Variants in TRPV1 observed in about 807,000 individuals in gnomAD.
TRPV1 encodes the protein OTRPC1.
In TRPV1, 82 loss-of-function variants were observed where a neutral mutation model predicts 82.3. That is an observed-to-expected ratio of 1.00 (90% CI 0.83 to 1.20). TRPV1 has a LOEUF of 1.20. Ranked by LOEUF, TRPV1 falls within the 50% of genes most tolerant of loss-of-function variation. The probability of loss-of-function intolerance (pLI) is 0.00; values close to 1 mark genes in which losing one functional copy is unlikely to be tolerated. For missense variants in TRPV1, 1,067 were observed against 1,096.8 expected (o/e 0.97, Z 0.38); for synonymous variants, 515 against 467.7 (o/e 1.10, Z -1.30).
chr17:3,597,735 G>A (rs1470512153), intron 2 of TRPV1, among the ~76,000 whole-genome samples: 2 of 147,982 alleles, frequency 1.4e-5, no homozygotes, highest in South Asian at 2.2e-4. Flanking sequence ...GTGCAATGGC[G>A]CGATCTCAGC....
chr17:3,576,848 CA>C (rs989451980), intron 13 of TRPV1, among the ~76,000 whole-genome samples: 170 of 39,084 alleles, frequency 4.3e-3, no homozygotes, highest in East Asian at 8.8e-3. Context: ...GACTCCATCT[CA>C]AAAAAAAAAA....
At chr17:3,594,249 TTACTGTTCCAGCAGTGGC>T (rs891722089) in intron 2 of TRPV1, among the ~76,000 whole-genome samples, 3 of 151,400 alleles carry the variant, frequency 2.0e-5, no homozygotes, top group Non-Finnish European at 2.9e-5. Context: ...GTTAGGGAGA[TTACTGTTCCAGCAGTGGC>T]TACATTCCGG....
intron 5 of TRPV1, 139 bp from the exon 6 acceptor site, chr17:3,590,531 G>A (rs1269022538): frequency 3.7e-6 from 5 of 1,334,860 alleles, no homozygotes; most frequent in Non-Finnish European, 5.0e-6. Context: ...CCCCCCCACT[G>A]CAGGAGGCCA....
At chr17:3,590,808 G>A (rs1328964998) in intron 5 of TRPV1, among the ~76,000 whole-genome samples, 156 bp downstream of exon 5, 2 of 152,216 alleles carry the variant, frequency 1.3e-5, no homozygotes, top group African/African-American at 4.8e-5. Flanking sequence ...CAGCAGATGG[G>A]AGAGGCAGGG....
rs540546134 is a variant in TRPV1, at chr17:3,580,204, G to A, written c.1547+253C>T. Reference sequence around the variant, plus strand: ...CGAATGGCAGATGGATGGACAATGAGTGGGAAGGTGAACAAGGTCCGTCTC... The same window carrying A: ...CGAATGGCAGATGGATGGACAATGAATGGGAAGGTGAACAAGGTCCGTCTC... On this transcript the variant is annotated intron_variant, in intron 11 of 16. Transcript: ENST00000572705. Among the ~76,000 whole-genome samples the A allele has an allele frequency of 2.8e-4, 42 of 152,340 alleles. 1 individual carries two copies. The highest frequency in any genetic ancestry group is 9.1e-4 in the African/African-American group (38 of 41,586).
intron 9 of TRPV1, among the ~76,000 whole-genome samples, chr17:3,584,874 A>G (rs1217875704): frequency 6.6e-6 from 1 of 152,264 alleles, no homozygotes; most frequent in Non-Finnish European, 1.5e-5. Flanking sequence ...TGTCCTGGGT[A>G]TCAGACACGA....
chr17:3,588,345 C>T lies in TRPV1; in HGVS notation c.1067G>A (p.Arg356Gln), dbSNP rs201628936. 24 of 1,560,826 alleles carry T rather than the reference C, an allele frequency of 1.5e-5. No homozygotes were observed. The highest frequency in any genetic ancestry group is 1.2e-4 in the East Asian group (5 of 41,410). Reference protein sequence around the residue: ...KIGVLAYILQREIQEPECRHL... With the variant: ...KIGVLAYILQQEIQEPECRHL... ...CCTGCACTCGGGCTCCTGGATCTCC[C>T]GCTGGAGAATATAGGCCAAGACCTG... The change falls in exon 8 of 17, where the codon CGG (arginine) becomes CAG (glutamine). Residue 356 changes from arginine (R) to glutamine (Q), a missense_variant. Arg to Gln is a conservative substitution (Grantham distance 43). Transcript: ENST00000572705.
At chr17:3,577,532 C>T (rs748177038) in intron 12 of TRPV1, 66 bp downstream of exon 12, 25 of 1,515,076 alleles carry the variant, frequency 1.7e-5, no homozygotes, top group Non-Finnish European at 2.0e-5. Context: ...GAGTTCTTGG[C>T]CCCATCTCAC....
chr17:3,585,782 GC>G lies in TRPV1; in HGVS notation c.1368del (p.Arg456SerfsTer28). On this transcript the variant is annotated frameshift_variant, in exon 9 of 17. Coordinates refer to ENST00000572705, the MANE Select transcript of TRPV1 (RefSeq NM_080704.4). LOFTEE classifies it high-confidence loss of function. ...TCTGGCCGCACCAAGCCATCCACGG[GC>G]CTGTAGTAGGCAGCCATGGTGAAGA... Reference protein sequence around the residue: ...MIIFTMAAYYRPVDGLPPFKM... With the variant: ...MIIFTMAAYYXPVDGLPPFKM... The G allele has an allele frequency of 1.9e-6, 3 of 1,613,384 alleles. No individual in the cohort carries two copies. The highest frequency in any genetic ancestry group is 2.5e-6 in the Non-Finnish European group (3 of 1,179,646).
chr17:3,604,734 C>T (rs1036127362), intron 2 of TRPV1, among the ~76,000 whole-genome samples: 1 of 152,144 alleles, frequency 6.6e-6, no homozygotes, highest in Non-Finnish European at 1.5e-5. Flanking sequence ...GGAGGAAAAG[C>T]AGCGGCTGGT....
chr17:3,587,158 T>G (rs1054885424), intron 8 of TRPV1, among the ~76,000 whole-genome samples: 6 of 152,202 alleles, frequency 3.9e-5, no homozygotes, highest in Admixed American at 6.5e-5. Flanking sequence ...CAGTCCTTGT[T>G]GAGGCCACCT....
At chr17:3,567,050 C>T in intron 16 of TRPV1, 63 bp from the exon 17 acceptor site, 1 of 1,570,824 alleles carries the variant, frequency 6.4e-7, no homozygotes, top group South Asian at 1.2e-5. Flanking sequence ...CTTGGCCTCC[C>T]AAGTCTCCAG....
chr17:3,588,908 G>A (rs1336505763), intron 7 of TRPV1: 38 of 1,535,408 alleles, frequency 2.5e-5, no homozygotes, highest in Middle Eastern at 3.3e-4. Flanking sequence ...CCCTCACGGC[G>A]AGGCCCCAGC....
chr17:3,604,050 G>A (rs1362764180), intron 2 of TRPV1, among the ~76,000 whole-genome samples: 2 of 152,248 alleles, frequency 1.3e-5, no homozygotes, highest in African/African-American at 4.8e-5. Context: ...GGGGCCAACA[G>A]ACCATGCCAA....
intron 10 of TRPV1, among the ~76,000 whole-genome samples, chr17:3,580,782 C>T (rs991272623): frequency 1.3e-5 from 2 of 152,154 alleles, no homozygotes; most frequent in South Asian, 2.1e-4. Flanking sequence ...TTTGGGAGGC[C>T]AAGGCGGGTG....
intron 10 of TRPV1, among the ~76,000 whole-genome samples, chr17:3,581,695 G>C (rs939957552): frequency 4.0e-5 from 6 of 150,830 alleles, no homozygotes; most frequent in Non-Finnish European, 7.4e-5. Flanking sequence ...GACCATCCTG[G>C]TTAACATGGT....
chr17:3,591,177 C>T lies in TRPV1; in HGVS notation c.451+10G>A. ...GCTGGGGCCCTCCCCGAGCCCAGCG[C>T]TGGGGCCACCTTTGAACTCGTTGTC... On this transcript the variant is annotated intron_variant, in intron 4 of 16. Transcript: ENST00000572705. The T allele has an allele frequency of 6.2e-7, 1 of 1,608,530 alleles. No individual in the cohort carries two copies. Among genetic ancestry groups the T allele is most frequent in the Middle Eastern group, 1.7e-4 (1 of 6,056 alleles).
intron 2 of TRPV1, among the ~76,000 whole-genome samples, chr17:3,594,154 A>AAGCAGC (rs773915600): frequency 2.1e-5 from 2 of 95,442 alleles, no homozygotes; most frequent in Non-Finnish European, 3.9e-5. Flanking sequence ...AAAAAAAAAG[A>AAGCAGC]AGCAGCAGCA....
intron 2 of TRPV1, among the ~76,000 whole-genome samples, chr17:3,597,802 T>C (rs1309939409): frequency 6.6e-6 from 1 of 150,580 alleles, no homozygotes. Context: ...GCCTCCCGAA[T>C]AGCTGCAATT....
Sources: gnomAD v4.1 joint callset for allele counts (sites outside exome capture counted in the v4.1 genomes callset) on GRCh38, gnomAD v4.1.1 for gene constraint, MANE v1.5 for transcripts, NCBI Gene and HGNC (gene_info 2026-07-23, HGNC 2026-07-21) for gene names.